Variants in IL1RAPL2 observed in about 807,000 individuals in gnomAD.
IL1RAPL2 encodes the protein interleukin 1 receptor accessory protein like 2.
IL1RAPL2 carries 3 observed loss-of-function variants against 44.1 expected under a neutral mutation model. The observed-to-expected ratio is 0.07, with a 90% CI of 0.03 to 0.18. The LOEUF is 0.18. Ranked by LOEUF, IL1RAPL2 falls within the 10% of genes least tolerant of loss-of-function variation. IL1RAPL2 has a pLI of 1.00. For missense variants in IL1RAPL2, 391 were observed against 496.4 expected (o/e 0.79, Z 2.02); for synonymous variants, 181 against 178.8 (o/e 1.01, Z -0.10).
chrX:105,599,210 C>A (rs545059298), intron 6 of IL1RAPL2, among the ~76,000 whole-genome samples: 2 of 112,065 alleles, frequency 1.8e-5, no homozygotes, highest in South Asian at 7.4e-4. Flanking sequence ...GTACAAAGCA[C>A]TTCCACAAAT....
At chrX:105,220,969 G>T (rs782354162) in intron 3 of IL1RAPL2, among the ~76,000 whole-genome samples, 2 of 111,989 alleles carry the variant, frequency 1.8e-5, no homozygotes, top group Non-Finnish European at 3.8e-5. Flanking sequence ...GGCTAGTAGG[G>T]ACCCCCCTAG....
intron 2 of IL1RAPL2, among the ~76,000 whole-genome samples, chrX:105,034,823 G>C (rs2031592203): frequency 8.9e-6 from 1 of 112,296 alleles, no homozygotes; most frequent in Admixed American, 9.4e-5. Flanking sequence ...TTGTTTGTCT[G>C]TGCCCTGCCC....
chrX:105,463,283 T>G (rs2147767420), intron 5 of IL1RAPL2, among the ~76,000 whole-genome samples: 1 of 109,374 alleles, frequency 9.1e-6, no homozygotes, highest in African/African-American at 3.3e-5. Flanking sequence ...AGTGGGAGAG[T>G]GGATTGAGAC....
intron 5 of IL1RAPL2, among the ~76,000 whole-genome samples, chrX:105,384,856 T>C (rs1295402167): frequency 9.0e-6 from 1 of 111,375 alleles, no homozygotes; most frequent in African/African-American, 3.3e-5. Flanking sequence ...AGGTAATTAT[T>C]TTGTAGCTAT....
At chrX:104,949,049 G>A (rs1185591447) in intron 2 of IL1RAPL2, among the ~76,000 whole-genome samples, 1 of 110,118 alleles carries the variant, frequency 9.1e-6, no homozygotes, top group East Asian at 2.9e-4. Context: ...ATCTCGTCCT[G>A]GACTCTTTTT....
chrX:104,611,609 G>C (rs900916658), intron 1 of IL1RAPL2, among the ~76,000 whole-genome samples: 22 of 110,158 alleles, frequency 2.0e-4, no homozygotes, highest in Middle Eastern at 9.5e-3. Flanking sequence ...AGGCTGAGGC[G>C]GACAGATCAC....
chrX:104,735,459 A>G (rs917800274), intron 2 of IL1RAPL2, among the ~76,000 whole-genome samples: 2 of 111,214 alleles, frequency 1.8e-5, no homozygotes, highest in African/African-American at 6.5e-5. Context: ...TATATGAACA[A>G]TAACCATTGT....
intron 4 of IL1RAPL2, among the ~76,000 whole-genome samples, chrX:105,236,319 G>C (rs782257453): frequency 1.8e-5 from 2 of 112,197 alleles, no homozygotes; most frequent in Non-Finnish European, 3.8e-5. Flanking sequence ...ACCAACAATG[G>C]TGAAGCAACA....
chrX:105,038,056 A>C (rs186507684), intron 2 of IL1RAPL2, among the ~76,000 whole-genome samples: 274 of 111,496 alleles, frequency 2.5e-3, no homozygotes, highest in African/African-American at 7.6e-3. Flanking sequence ...AAAGTAGTCA[A>C]AGGTTTTCCA....
chrX:105,076,586 C>G (rs892620961), intron 2 of IL1RAPL2, among the ~76,000 whole-genome samples: 5 of 110,847 alleles, frequency 4.5e-5, no homozygotes, highest in Non-Finnish European at 7.5e-5. Context: ...GAGTTCAACT[C>G]CTGGATATCC....
chrX:104,609,161 A>G (rs1359867832), intron 1 of IL1RAPL2, among the ~76,000 whole-genome samples: 2 of 112,119 alleles, frequency 1.8e-5, no homozygotes, highest in Non-Finnish European at 3.8e-5. Flanking sequence ...CTTTCCTTTA[A>G]GAATGTTGAA....
At chrX:104,604,883 C>T (rs1928972287) in intron 1 of IL1RAPL2, among the ~76,000 whole-genome samples, 1 of 110,516 alleles carries the variant, frequency 9.0e-6, no homozygotes, top group Non-Finnish European at 1.9e-5. Flanking sequence ...TCTTTAACAC[C>T]CCACTGTCAA....
intron 6 of IL1RAPL2, among the ~76,000 whole-genome samples, chrX:105,501,167 T>C (rs2036392020): frequency 8.9e-6 from 1 of 111,996 alleles, no homozygotes; most frequent in South Asian, 3.6e-4. Flanking sequence ...TTTACAGATA[T>C]GTGAAGGAAT....
At chrX:104,934,444 C>T (rs1921386805) in intron 2 of IL1RAPL2, among the ~76,000 whole-genome samples, 1 of 111,090 alleles carries the variant, frequency 9.0e-6, no homozygotes, top group African/African-American at 3.3e-5. Context: ...TGATTATTAT[C>T]AGTGGAGGCT....
intron 1 of IL1RAPL2, among the ~76,000 whole-genome samples, chrX:104,654,504 A>G (rs1429789278): frequency 9.0e-6 from 1 of 111,058 alleles, no homozygotes; most frequent in Non-Finnish European, 1.9e-5. Context: ...TGGCTGGAGC[A>G]TAGGCAGCAA....
chrX:105,105,842 A>T (rs756489435), intron 2 of IL1RAPL2, among the ~76,000 whole-genome samples: 7 of 112,239 alleles, frequency 6.2e-5, no homozygotes, highest in Non-Finnish European at 1.1e-4. Context: ...GATATTTCAT[A>T]TTGAGAAGGA....
intron 5 of IL1RAPL2, among the ~76,000 whole-genome samples, chrX:105,357,292 A>G (rs756988736): frequency 1.3e-4 from 15 of 111,917 alleles, no homozygotes; most frequent in Non-Finnish European, 2.3e-4. Context: ...GGCAGAAAGT[A>G]TTCGTAGAGG....
chrX:104,923,649 A>C (rs1372549953), intron 2 of IL1RAPL2, among the ~76,000 whole-genome samples: 1 of 111,741 alleles, frequency 8.9e-6, no homozygotes, highest in Non-Finnish European at 1.9e-5. Context: ...GAAATGCTCA[A>C]AGGTGTGATA....
chrX:105,030,876 C>T (rs776582555), intron 2 of IL1RAPL2, among the ~76,000 whole-genome samples: 4 of 111,822 alleles, frequency 3.6e-5, no homozygotes, highest in East Asian at 2.8e-4. Context: ...TACCCATGAG[C>T]GTGGAATGTT....
Sources: gnomAD v4.1 joint callset for allele counts (sites outside exome capture counted in the v4.1 genomes callset) on GRCh38, gnomAD v4.1.1 for gene constraint, MANE v1.5 for transcripts, NCBI Gene and HGNC (gene_info 2026-07-23, HGNC 2026-07-21) for gene names.